RABGAP1L: variants seen among roughly 807,000 people sequenced by gnomAD.
The protein encoded by RABGAP1L is RAB GTPase activating protein 1 like.
A neutral mutation model predicts 137.7 loss-of-function variants in RABGAP1L; 63 were observed. The ratio of observed to expected loss-of-function variants is 0.46; its 90% confidence interval spans 0.37 to 0.56. The LOEUF is 0.56. Among genes scored for constraint, RABGAP1L ranks in the 20% least tolerant of loss-of-function variants. The pLI, the probability that RABGAP1L is intolerant of heterozygous loss-of-function variation, is 0.00. For synonymous variants in RABGAP1L, 431 were observed against 433.7 expected (o/e 0.99, Z 0.08); for missense variants, 1,095 against 1,244.0 (o/e 0.88, Z 1.80).
At chr1:174,197,358 C>CT (rs1667766008) in intron 1 of RABGAP1L, among the ~76,000 whole-genome samples, 1 of 151,964 alleles carries the variant, frequency 6.6e-6, no homozygotes, top group Non-Finnish European at 1.5e-5. Flanking sequence ...GGCTTGAACT[C>CT]TTATAAGTAG....
intron 18 of RABGAP1L, among the ~76,000 whole-genome samples, 156 bp from the exon 19 acceptor site, chr1:174,811,676 A>G (rs935631109): frequency 3.9e-5 from 6 of 152,242 alleles, no homozygotes; most frequent in Non-Finnish European, 8.8e-5. Context: ...CATCATCTAA[A>G]TATTGAAATG....
intron 19 of RABGAP1L, among the ~76,000 whole-genome samples, chr1:174,953,073 C>T (rs1315419739): frequency 1.4e-5 from 2 of 146,538 alleles, no homozygotes; most frequent in South Asian, 2.2e-4. Flanking sequence ...ATGTGAAATT[C>T]AAATATTAGT....
intron 13 of RABGAP1L, among the ~76,000 whole-genome samples, chr1:174,622,717 G>A (rs1672619674): frequency 6.6e-6 from 1 of 152,184 alleles, no homozygotes; most frequent in Non-Finnish European, 1.5e-5. Flanking sequence ...AGTGAGGGAA[G>A]GCAGGAGGGA....
intron 20 of RABGAP1L, among the ~76,000 whole-genome samples, chr1:174,962,196 A>AACCCC (rs1669189616): frequency 6.4e-5 from 5 of 77,838 alleles, no homozygotes; most frequent in African/African-American, 7.5e-5. Context: ...ATAAAAATAC[A>AACCCC]CCCCCCCCCC....
intron 11 of RABGAP1L, among the ~76,000 whole-genome samples, chr1:174,319,044 A>C (rs1488399341): frequency 6.6e-6 from 1 of 152,076 alleles, no homozygotes; most frequent in Non-Finnish European, 1.5e-5. Context: ...TGTATATTTT[A>C]CATATTTGCA....
chr1:174,964,877 C>A, intron 20 of RABGAP1L: 1 of 1,451,550 alleles, frequency 6.9e-7, no homozygotes, highest in Non-Finnish European at 9.1e-7. Context: ...TTGTTATTGC[C>A]ATTTCATAAA....
intron 24 of RABGAP1L, among the ~76,000 whole-genome samples, chr1:174,985,569 TTCCTCCTA>T (rs1280764574): frequency 6.6e-6 from 1 of 152,216 alleles, no homozygotes; most frequent in Non-Finnish European, 1.5e-5. Flanking sequence ...TCTCTAGTGC[TTCCTCCTA>T]TCTCATTTGG....
At chr1:174,247,087 A>G (rs958831134) in intron 5 of RABGAP1L, among the ~76,000 whole-genome samples, 3 of 152,106 alleles carry the variant, frequency 2.0e-5, no homozygotes, top group East Asian at 1.9e-4. Context: ...TAACCTTTCT[A>G]TAAAGAATTT....
intron 1 of RABGAP1L, among the ~76,000 whole-genome samples, chr1:174,215,389 G>T (rs1387484334): frequency 6.6e-6 from 1 of 151,800 alleles, no homozygotes; most frequent in South Asian, 2.1e-4. Flanking sequence ...CCAGGGAGGT[G>T]GAGGTTGCAG....
Position 174,615,912 on chromosome 1 carries a change from G to A in RABGAP1L, c.1711-21463G>A, listed in dbSNP as rs144138558. Reference sequence around the variant, plus strand: ...GCAGGATATAATCTCCTGGTGCGCCGTTTTTTAAGCCCGTTGGAAAAGTGC... The same window carrying A: ...GCAGGATATAATCTCCTGGTGCGCCATTTTTTAAGCCCGTTGGAAAAGTGC... On this transcript the variant is annotated intron_variant, in intron 13 of 25. Transcript: ENST00000681986. Among the ~76,000 whole-genome samples, 75 of 152,302 alleles carry A rather than the reference G, an allele frequency of 4.9e-4. No individual in the cohort carries two copies. The East Asian group carries it at 0.014, about 28-fold the overall frequency.
chr1:174,345,687 A>G (rs546697729), intron 11 of RABGAP1L, among the ~76,000 whole-genome samples: 4 of 152,306 alleles, frequency 2.6e-5, no homozygotes, highest in African/African-American at 9.6e-5. Context: ...TATCATCTCC[A>G]AAGAAAGATA....
At chr1:174,333,044 G>T (rs1035113262) in intron 11 of RABGAP1L, among the ~76,000 whole-genome samples, 4 of 152,216 alleles carry the variant, frequency 2.6e-5, no homozygotes, top group Admixed American at 1.3e-4. Context: ...AGGGCATTAT[G>T]CAAAGTGTAA....
intron 19 of RABGAP1L, among the ~76,000 whole-genome samples, chr1:174,879,354 T>A (rs11800350): frequency 0.21 from 31,741 of 151,936 alleles, 3,648 homozygotes; most frequent in Admixed American, 0.25. Context: ...CGCCTCGGCC[T>A]CCCAAAGTGC....
At chr1:174,974,134 A>G (rs1221308420) in intron 21 of RABGAP1L, among the ~76,000 whole-genome samples, 5 of 151,976 alleles carry the variant, frequency 3.3e-5, no homozygotes, top group East Asian at 1.9e-4. Context: ...GACTACAGGC[A>G]CCTGCCACCA....
At chr1:174,623,231 G>T (rs10436862) in intron 13 of RABGAP1L, among the ~76,000 whole-genome samples, 3 of 152,056 alleles carry the variant, frequency 2.0e-5, no homozygotes, top group Admixed American at 6.6e-5. Flanking sequence ...ACAATGATAC[G>T]TATATCTAAA....
At chr1:174,574,942 G>A (rs911617204) in intron 13 of RABGAP1L, among the ~76,000 whole-genome samples, 1 of 152,060 alleles carries the variant, frequency 6.6e-6, no homozygotes, top group East Asian at 1.9e-4. Flanking sequence ...TTGTTTGTTT[G>A]TTTTTGAGAC....
At chr1:174,653,107 A>G (rs943529941) in intron 14 of RABGAP1L, among the ~76,000 whole-genome samples, 1 of 151,962 alleles carries the variant, frequency 6.6e-6, no homozygotes. Context: ...TGAGGGGAAA[A>G]CCGCCTACTC....
chr1:174,345,887 A>G lies in RABGAP1L; in HGVS notation c.1466-25092A>G, dbSNP rs554156925. Reference sequence around the variant, plus strand: ...GTGATACTAGCTGTGGGTCTTTTGTATATGGATTTTATTGTGTTGAGATAT... The same window carrying G: ...GTGATACTAGCTGTGGGTCTTTTGTGTATGGATTTTATTGTGTTGAGATAT... On this transcript the variant is annotated intron_variant, in intron 11 of 25. Coordinates refer to ENST00000681986, the MANE Select transcript of RABGAP1L (RefSeq NM_001366446.1). Among the ~76,000 whole-genome samples, 5 of 152,186 alleles carry G rather than the reference A, an allele frequency of 3.3e-5. 1 individual carries two copies. The highest frequency in any genetic ancestry group is 1.2e-4 in the African/African-American group (5 of 41,526).
intron 17 of RABGAP1L, among the ~76,000 whole-genome samples, chr1:174,710,181 G>A (rs1680371334): frequency 1.3e-5 from 2 of 152,160 alleles, no homozygotes; most frequent in South Asian, 2.1e-4. Context: ...CCAAACCTAC[G>A]TTTGACTGGT....
Sources: gnomAD v4.1 joint callset for allele counts (sites outside exome capture counted in the v4.1 genomes callset) on GRCh38, gnomAD v4.1.1 for gene constraint, MANE v1.5 for transcripts, NCBI Gene and HGNC (gene_info 2026-07-23, HGNC 2026-07-21) for gene names.